Variants in SCTR observed in about 807,000 individuals in gnomAD.
SCTR encodes the protein secretin receptor.
A neutral mutation model predicts 60.8 loss-of-function variants in SCTR; 56 were observed. The ratio of observed to expected loss-of-function variants is 0.92; its 90% CI spans 0.74 to 1.15. The LOEUF (loss-of-function observed/expected upper bound fraction) is 1.15, where lower values mean the gene tolerates loss of function less well. Ranked by LOEUF, SCTR falls within the 50% of genes most tolerant of loss-of-function variation. The pLI is 0.00. For synonymous variants in SCTR, 202 were observed against 217.0 expected (o/e 0.93, Z 0.61); for missense variants, 562 against 550.4 (o/e 1.02, Z -0.21).
chr2:119,520,149 G>C (rs1679245571), intron 1 of SCTR, among the ~76,000 whole-genome samples: 1 of 152,102 alleles, frequency 6.6e-6, no homozygotes, highest in Non-Finnish European at 1.5e-5. Context: ...AAACTAGAAA[G>C]TGTTTTTCCA....
In SCTR at chr2:119,490,194, A is replaced by G. The variant is rs887930354; in HGVS notation, c.193+4234T>C. On this transcript the variant is annotated intron_variant, in intron 2 of 12. Coordinates refer to ENST00000019103, the MANE Select transcript of SCTR (RefSeq NM_002980.3). ...CCCAAGTGCAGTCGGAGCCAGAGGG[A>G]AAGTGCAGTCAGGTAGAGGGAAAGC... 2.0e-5 allele frequency among the ~76,000 whole-genome samples: 3 copies of G among 152,336 alleles called. No individual in the cohort carries two copies. In the East Asian group the frequency reaches 5.8e-4, roughly 29 times the overall value.
chr2:119,447,591 A>G (rs566260605), intron 10 of SCTR, among the ~76,000 whole-genome samples: 1 of 152,254 alleles, frequency 6.6e-6, no homozygotes, highest in Admixed American at 6.5e-5. Context: ...CTTCTTTTTG[A>G]GACAGAGTCT....
At chr2:119,496,860 C>T (rs72834824) in intron 1 of SCTR, among the ~76,000 whole-genome samples, 10 of 152,174 alleles carry the variant, frequency 6.6e-5, no homozygotes, top group Admixed American at 2.0e-4. Flanking sequence ...GTAGGGAGTC[C>T]GGACCCCCAC....
chr2:119,499,096 G>T (rs1678446161), intron 1 of SCTR, among the ~76,000 whole-genome samples: 1 of 151,912 alleles, frequency 6.6e-6, no homozygotes, highest in Non-Finnish European at 1.5e-5. Flanking sequence ...ATAAAGTACA[G>T]TGTAGAGCAA....
rs578166373 is a variant in SCTR at position 119,449,207 on chromosome 2, G to A, written c.922-427C>T. ...CAAAGTTTAGGGTACCCATTGCTGG[G>A]CTCTAACCCCACAGGTTATGGTTCA... On this transcript the variant is annotated intron_variant, in intron 9 of 12. Transcript: ENST00000019103. Among the ~76,000 whole-genome samples, 3 of 152,304 alleles carry A rather than the reference G, an allele frequency of 2.0e-5. No individual in the cohort carries two copies. In the South Asian group the frequency reaches 6.2e-4, roughly 32 times the overall value.
At chr2:119,503,580 C>T (rs1678629343) in intron 1 of SCTR, among the ~76,000 whole-genome samples, 1 of 151,884 alleles carries the variant, frequency 6.6e-6, no homozygotes, top group Admixed American at 6.6e-5. Flanking sequence ...ATGGAAAAGG[C>T]AAAAACTTTG....
chr2:119,443,679 T>G (rs1682742764), intron 11 of SCTR, among the ~76,000 whole-genome samples: 1 of 152,114 alleles, frequency 6.6e-6, no homozygotes, highest in African/African-American at 2.4e-5. Flanking sequence ...CCCGAGTAAC[T>G]GGGACTACAG....
At chr2:119,481,143 C>T (rs1242213423) in intron 2 of SCTR, among the ~76,000 whole-genome samples, 1 of 152,214 alleles carries the variant, frequency 6.6e-6, no homozygotes, top group Non-Finnish European at 1.5e-5. Flanking sequence ...AGGCTGGGTC[C>T]CCTGAATGGC....
chr2:119,481,481 C>A (rs1677598675), intron 2 of SCTR, among the ~76,000 whole-genome samples: 1 of 152,218 alleles, frequency 6.6e-6, no homozygotes, highest in South Asian at 2.1e-4. Flanking sequence ...CCCAAAAATG[C>A]CGCTGAAGTG....
At chr2:119,452,210 G>C (rs770269949) in intron 8 of SCTR, 131 bp from the exon 9 acceptor site, 121 of 652,898 alleles carry the variant, frequency 1.9e-4, no homozygotes, top group Admixed American at 3.2e-4. Context: ...CCCTGCAGTG[G>C]TGTGCCCAGC....
intron 1 of SCTR, among the ~76,000 whole-genome samples, chr2:119,520,123 C>T (rs7600103): frequency 6.6e-6 from 1 of 152,144 alleles, no homozygotes; most frequent in East Asian, 1.9e-4. Context: ...AAGAAATCCA[C>T]AAATACTTCT....
chr2:119,443,058 C>T (rs1421944686), intron 11 of SCTR, among the ~76,000 whole-genome samples: 1 of 152,088 alleles, frequency 6.6e-6, no homozygotes, highest in Non-Finnish European at 1.5e-5. Context: ...GTGCTTGGCC[C>T]AGAGCCACGA....
At chr2:119,520,826 A>C (rs1679265180) in intron 1 of SCTR, among the ~76,000 whole-genome samples, 1 of 152,036 alleles carries the variant, frequency 6.6e-6, no homozygotes, top group South Asian at 2.1e-4. Context: ...CACCAACCCC[A>C]CTGCCCCAAA....
intron 2 of SCTR, among the ~76,000 whole-genome samples, chr2:119,484,994 C>T (rs535404517): frequency 6.6e-6 from 1 of 152,134 alleles, no homozygotes; most frequent in Non-Finnish European, 1.5e-5. Flanking sequence ...ATGGGCAGAC[C>T]ACACACAGCC....
At position 119,441,572 on chromosome 2, in the gene SCTR, A is replaced by C; in HGVS notation, c.1168T>G (p.Phe390Val). Reference protein sequence around the residue: ...QGLVVAVLYCFLNGEVQLEVQ... With the variant: ...QGLVVAVLYCVLNGEVQLEVQ... ...AGACTACTCACCTCCCCATTGAGGA[A>C]GCAGTAGAGGACGGCCACCACCAGT... Residue 390 changes from phenylalanine (F) to valine (V), a missense_variant, in exon 12 of 13, where the codon TTC becomes GTC. Coordinates refer to ENST00000019103, the MANE Select transcript of SCTR (RefSeq NM_002980.3). The C allele has an allele frequency of 6.2e-7, 1 of 1,612,940 alleles. No homozygotes were observed. The highest frequency in any genetic ancestry group is 1.6e-4 in the Middle Eastern group (1 of 6,062).
chr2:119,494,151 C>T (rs999042657), intron 2 of SCTR, among the ~76,000 whole-genome samples: 3 of 152,144 alleles, frequency 2.0e-5, no homozygotes, highest in East Asian at 1.9e-4. Context: ...CAAGCTCTTA[C>T]GTTGGCCAAG....
rs534916986 is a variant in SCTR at position 119,454,339 on chromosome 2, C to A, written c.791-992G>T. Among the ~76,000 whole-genome samples the A allele has an allele frequency of 2.0e-5, 3 of 152,274 alleles. No homozygotes were observed. In the East Asian group the frequency reaches 5.8e-4, roughly 29 times the overall value. On this transcript the variant is annotated intron_variant, in intron 7 of 12. Transcript: ENST00000019103. ...TACCCTCACCAGACTGAATAGTCAACTTCCAACAGAGTTTATTCTCTGGAA... is the reference window on the plus strand; with the variant it reads ...TACCCTCACCAGACTGAATAGTCAAATTCCAACAGAGTTTATTCTCTGGAA...
chr2:119,445,165 A>G (rs554844346), intron 11 of SCTR, among the ~76,000 whole-genome samples: 1 of 152,102 alleles, frequency 6.6e-6, no homozygotes, highest in African/African-American at 2.4e-5. Flanking sequence ...GTCCCCATCC[A>G]TGGCCAGGCA....
chr2:119,444,105 A>T (rs1682761499), intron 11 of SCTR, among the ~76,000 whole-genome samples: 1 of 57,928 alleles, frequency 1.7e-5, no homozygotes. Context: ...TATATGAAAA[A>T]CATTTTCTCA....
Sources: allele counts gnomAD v4.1 joint callset (sites outside exome capture counted in the v4.1 genomes callset), GRCh38; gene constraint gnomAD v4.1.1; transcripts MANE v1.5; gene names NCBI Gene and HGNC (gene_info 2026-07-23, HGNC 2026-07-21).